GHR: variants seen among roughly 807,000 people sequenced by gnomAD.
GHR encodes the protein growth hormone receptor.
A neutral mutation model predicts 67.1 loss-of-function variants in GHR; 35 were observed. The ratio of observed to expected loss-of-function variants is 0.52; its 90% confidence interval spans 0.40 to 0.69. GHR has a LOEUF of 0.69. GHR is among the 30% of genes least tolerant of loss of function. The pLI is 0.00. For synonymous variants in GHR, 272 were observed against 269.1 expected (o/e 1.01, Z -0.10); for missense variants, 792 against 764.6 (o/e 1.04, Z -0.42).
chr5:42,607,221 C>T (rs1451124658), intron 2 of GHR, among the ~76,000 whole-genome samples: 2 of 152,172 alleles, frequency 1.3e-5, no homozygotes, highest in Non-Finnish European at 2.9e-5. Flanking sequence ...AACCTCTTTC[C>T]TTTTTAAGTT....
intron 1 of GHR, among the ~76,000 whole-genome samples, chr5:42,476,069 T>A (rs1009216326): frequency 1.9e-4 from 28 of 149,952 alleles, no homozygotes; most frequent in African/African-American, 5.7e-4. Context: ...CATGCCCGGC[T>A]AATTTTTTGT....
chr5:42,647,147 T>C, intron 3 of GHR, among the ~76,000 whole-genome samples: 1 of 152,190 alleles, frequency 6.6e-6, no homozygotes, highest in East Asian at 1.9e-4. Flanking sequence ...TATAACATTA[T>C]GGTTGAGAAT....
At chr5:42,497,347 T>C (rs1579819011) in intron 1 of GHR, among the ~76,000 whole-genome samples, 1 of 152,208 alleles carries the variant, frequency 6.6e-6, no homozygotes, top group African/African-American at 2.4e-5. Flanking sequence ...TTTCTAATGT[T>C]ACACGAATGC....
chr5:42,670,878 A>ATATATAT (rs565509422), intron 3 of GHR, among the ~76,000 whole-genome samples: 196 of 88,348 alleles, frequency 2.2e-3, no homozygotes, highest in African/African-American at 6.7e-3. Context: ...AAAAAAAAAA[A>ATATATAT]AAATATATAT....
Position 42,437,571 on chromosome 5 carries a change from C to G in GHR, c.-12+13616C>G, listed in dbSNP as rs558730301. On this transcript the variant is annotated intron_variant, in intron 1 of 9. Coordinates refer to ENST00000230882, the MANE Select transcript of GHR (RefSeq NM_000163.5). ...TATTTATTTATTTATTTATTTGAAA[C>G]GAAATCTTGCTGTGTCACCAGGCTG... is the stretch of plus-strand genomic sequence containing the variant. Among the ~76,000 whole-genome samples, 10 of 145,980 alleles carry G rather than the reference C, an allele frequency of 6.9e-5. No individual in the cohort carries two copies. The South Asian group carries it at 1.7e-3, about 25-fold the overall frequency.
chr5:42,653,571 CT>C (rs1456884914), intron 3 of GHR, among the ~76,000 whole-genome samples: 1 of 152,158 alleles, frequency 6.6e-6, no homozygotes, highest in African/African-American at 2.4e-5. Context: ...AACAACCACA[CT>C]TAATTTCTGT....
chr5:42,575,254 C>T (rs577659080), intron 2 of GHR, among the ~76,000 whole-genome samples: 2 of 152,264 alleles, frequency 1.3e-5, no homozygotes, highest in South Asian at 4.1e-4. Flanking sequence ...CTGCTGTGGT[C>T]AGGAGAAACA....
rs539558144 is a variant in GHR at position 42,467,613 on chromosome 5, T to C, written c.-12+43658T>C. ...TCAGATTTGAACTCTGATTGAAGGC[T>C]TTCCCACATTTTGAGCAAACATAAG... On this transcript the variant is annotated intron_variant, in intron 1 of 9. Coordinates refer to ENST00000230882, the MANE Select transcript of GHR (RefSeq NM_000163.5). 3 of 1,605,842 alleles carry C rather than the reference T, an allele frequency of 1.9e-6. No individual in the cohort carries two copies. In the Admixed American group the frequency reaches 5.0e-5, roughly 27 times the overall value.
chr5:42,639,443 T>A (rs1754361255), intron 3 of GHR, among the ~76,000 whole-genome samples: 1 of 152,216 alleles, frequency 6.6e-6, no homozygotes, highest in African/African-American at 2.4e-5. Flanking sequence ...CCGCAGGTTA[T>A]CTTTTTATTT....
chr5:42,585,789 A>G (rs181674877), intron 2 of GHR, among the ~76,000 whole-genome samples: 323 of 152,202 alleles, frequency 2.1e-3, no homozygotes, highest in South Asian at 4.3e-3. Flanking sequence ...AAAAGGAGCT[A>G]GTAAGATTGA....
intron 1 of GHR, among the ~76,000 whole-genome samples, chr5:42,523,509 T>C (rs981189221): frequency 3.3e-5 from 5 of 152,174 alleles, no homozygotes; most frequent in Middle Eastern, 3.2e-3. Context: ...TGACGTTTGA[T>C]GCTATTATTA....
intron 1 of GHR, among the ~76,000 whole-genome samples, chr5:42,487,765 G>A (rs940859057): frequency 7.2e-5 from 11 of 152,008 alleles, no homozygotes; most frequent in African/African-American, 1.7e-4. Flanking sequence ...TTCGTCCATC[G>A]GCCTGTAGGT....
At position 42,688,926 on chromosome 5, in the gene GHR, C is replaced by T; in HGVS notation, c.173C>T (p.Ser58Leu). ...GAGCCTAAATTCACCAAGTGCCGTTCACCTGAGCGAGAGACTTTTTCATGC... is the reference window on the plus strand; with the variant it reads ...GAGCCTAAATTCACCAAGTGCCGTTTACCTGAGCGAGAGACTTTTTCATGC... ...SKEPKFTKCR[S>L]PERETFSCHW... The change falls in exon 4 of 10, where the codon TCA becomes TTA. Residue 58 changes from serine to leucine, a missense_variant. Transcript: ENST00000230882. 2 of 1,613,574 alleles carry T rather than the reference C, an allele frequency of 1.2e-6. No homozygotes were observed. Among genetic ancestry groups the T allele is most frequent in the Non-Finnish European group, 8.5e-7 (1 of 1,179,524 alleles).
At chr5:42,694,074 C>A (rs1757553254) in intron 4 of GHR, among the ~76,000 whole-genome samples, 1 of 152,170 alleles carries the variant, frequency 6.6e-6, no homozygotes, top group Non-Finnish European at 1.5e-5. Context: ...ACCCATCCTT[C>A]AAGAATGCTA....
At chr5:42,443,155 C>A (rs1477855222) in intron 1 of GHR, among the ~76,000 whole-genome samples, 1 of 152,200 alleles carries the variant, frequency 6.6e-6, no homozygotes, top group African/African-American at 2.4e-5. Context: ...TTGGACTTCT[C>A]TTAGCCAGGA....
intron 1 of GHR, among the ~76,000 whole-genome samples, chr5:42,444,039 T>G (rs1278305002): frequency 2.0e-5 from 3 of 151,990 alleles, no homozygotes; most frequent in African/African-American, 7.3e-5. Context: ...AATGGATATA[T>G]ATAATGGATA....
At chr5:42,612,701 A>G (rs763967618) in intron 2 of GHR, among the ~76,000 whole-genome samples, 3 of 152,182 alleles carry the variant, frequency 2.0e-5, no homozygotes, top group Non-Finnish European at 2.9e-5. Context: ...ATAGGCTACC[A>G]TCTCAAATTT....
intron 4 of GHR, among the ~76,000 whole-genome samples, chr5:42,694,658 A>T (rs2111701646): frequency 6.6e-6 from 1 of 152,326 alleles, no homozygotes. Flanking sequence ...GAATCGATTT[A>T]TGAGCAGGCA....
At position 42,594,849 on chromosome 5, in the gene GHR, A is replaced by G. The variant is rs1022476396; in HGVS notation, c.70+28905A>G. Reference sequence around the variant, plus strand: ...AGAAAATTGTAAAACAACACATCCCATTAGCTGTCAGAGCATCATCATGTC... The same window carrying G: ...AGAAAATTGTAAAACAACACATCCCGTTAGCTGTCAGAGCATCATCATGTC... On this transcript the variant is annotated intron_variant, in intron 2 of 9. Transcript: ENST00000230882. Among the ~76,000 whole-genome samples, 5 of 152,188 alleles carry G rather than the reference A, an allele frequency of 3.3e-5. No homozygotes were observed. In the South Asian group the frequency reaches 1.0e-3, roughly 32 times the overall value.
Sources: gnomAD v4.1 joint callset for allele counts (sites outside exome capture counted in the v4.1 genomes callset) on GRCh38, gnomAD v4.1.1 for gene constraint, MANE v1.5 for transcripts, NCBI Gene and HGNC (gene_info 2026-07-23, HGNC 2026-07-21) for gene names.